QSOX1: variants seen among roughly 807,000 people sequenced by gnomAD.
The protein encoded by QSOX1 is quiescin sulfhydryl oxidase 1.
QSOX1 carries 40 observed loss-of-function variants against 76.1 expected under a neutral mutation model. The ratio of observed to expected loss-of-function variants is 0.53; its 90% CI spans 0.41 to 0.68. The LOEUF (loss-of-function observed/expected upper bound fraction) is 0.68, where lower values mean the gene tolerates loss of function less well. Ranked by LOEUF, QSOX1 falls within the 30% of genes least tolerant of loss-of-function variation. QSOX1 has a pLI of 0.00. For missense variants in QSOX1, 931 were observed against 974.3 expected (o/e 0.96, Z 0.59); for synonymous variants, 392 against 413.1 (o/e 0.95, Z 0.62).
chr1:180,185,070 G>T (rs1410822942), intron 7 of QSOX1, among the ~76,000 whole-genome samples: 1 of 152,154 alleles, frequency 6.6e-6, no homozygotes, highest in African/African-American at 2.4e-5. Flanking sequence ...CACTTCTGGA[G>T]GCAGGGCACA....
chr1:180,174,227 G>C (rs1209893812), intron 2 of QSOX1, among the ~76,000 whole-genome samples: 2 of 152,264 alleles, frequency 1.3e-5, no homozygotes, highest in African/African-American at 2.4e-5. Context: ...TGAATCGGAA[G>C]AGCGCAGGCA....
chr1:180,156,889 A>G (rs772500662), intron 1 of QSOX1, among the ~76,000 whole-genome samples: 1 of 152,204 alleles, frequency 6.6e-6, no homozygotes, highest in African/African-American at 2.4e-5. Context: ...CTTTGAGGTT[A>G]TAAGAGGTGT....
chr1:180,158,669 C>T (rs554542777), intron 1 of QSOX1, among the ~76,000 whole-genome samples: 1 of 152,212 alleles, frequency 6.6e-6, no homozygotes, highest in East Asian at 1.9e-4. Flanking sequence ...GTCAGGAGAG[C>T]TCCTGAATTC....
In QSOX1 at chr1:180,194,344, G is replaced by A. The variant is rs1663404833; in HGVS notation, c.1420G>A (p.Val474Ile). 6.2e-7 allele frequency: 1 copy of A among 1,601,272 alleles called. No homozygotes were observed. Among genetic ancestry groups the A allele is most frequent in the African/African-American group, 1.3e-5 (1 of 74,744 alleles). The part of the protein sequence containing the change: ...MHRVGSPNAA[V>I]LWLWSSHNRV... ...CCGGGTGGGGAGTCCCAACGCCGCTGTCCTCTGGCTCTGGTCTAGCCACAA... is the reference window on the plus strand; with the variant it reads ...CCGGGTGGGGAGTCCCAACGCCGCTATCCTCTGGCTCTGGTCTAGCCACAA... Residue 474 changes from valine (V) to isoleucine (I), a missense_variant, in exon 11 of 12, where the codon GTC (valine) becomes ATC (isoleucine). Val to Ile is a conservative substitution (Grantham distance 29). Coordinates refer to ENST00000367602, the MANE Select transcript of QSOX1 (RefSeq NM_002826.5).
At chr1:180,190,182 C>T (rs1663273337) in intron 9 of QSOX1, among the ~76,000 whole-genome samples, 1 of 152,230 alleles carries the variant, frequency 6.6e-6, no homozygotes, top group African/African-American at 2.4e-5. Context: ...TCGAAGGGAC[C>T]TCAGAGATAA....
chr1:180,183,960 T>A lies in QSOX1; in HGVS notation c.797T>A (p.Leu266His), dbSNP rs1423975061. 1 of 1,613,658 alleles carries A rather than the reference T, an allele frequency of 6.2e-7. No homozygotes were observed. Among genetic ancestry groups the A allele is most frequent in the South Asian group, 1.1e-5 (1 of 91,074 alleles). ...TTCTATACCGCTTACCTGCAGAGAC[T>A]CTCTGGGCTCACCAGGGAGGCTGCC... ...RSFYTAYLQRLSGLTREAAQT... is the reference protein window; with the variant it reads ...RSFYTAYLQRHSGLTREAAQT... The change falls in exon 7 of 12, where the codon CTC (leucine) becomes CAC (histidine). Residue 266 changes from leucine to histidine, a missense_variant. By Grantham distance (99) the Leu-to-His change is moderately conservative (BLOSUM62 -3). Coordinates refer to ENST00000367602, the MANE Select transcript of QSOX1 (RefSeq NM_002826.5).
In QSOX1 at chr1:180,196,702, C is replaced by T; in HGVS notation, c.1909C>T (p.Leu637Phe). 6.2e-7 allele frequency: 1 copy of T among 1,614,090 alleles called. No individual in the cohort carries two copies. Among genetic ancestry groups the T allele is most frequent in the Non-Finnish European group, 8.5e-7 (1 of 1,180,034 alleles). ...TCAGAGGAATGAGCAGGAGCAGCCG[C>T]TTGGGCAGTGGCACTTGAGCAAGCG... ...ELQRNEQEQP[L>F]GQWHLSKRDT... Residue 637 changes from leucine to phenylalanine, a missense_variant, in exon 12 of 12, where the codon CTT (leucine) becomes TTT (phenylalanine). Transcript: ENST00000367602. The surrounding 1 kb of genome is among the most constrained non-coding windows in gnomAD (Gnocchi z 4.1).
chr1:180,189,533 C>A lies in QSOX1; in HGVS notation c.1018-19C>A, dbSNP rs3894210. On this transcript the variant is annotated intron_variant, in intron 8 of 11. Coordinates refer to ENST00000367602, the MANE Select transcript of QSOX1 (RefSeq NM_002826.5). ...GAATTGCTTTTCACTCTCCAGCTTC[C>A]GCTTGTTCCTCCCCACAGTATTTCC... The A allele has an allele frequency of 1.3e-6, 2 of 1,567,026 alleles. No individual in the cohort carries two copies. The highest frequency in any genetic ancestry group is 4.8e-5 in the East Asian group (2 of 42,046).
At chr1:180,159,505 G>A (rs759494280) in intron 1 of QSOX1, among the ~76,000 whole-genome samples, 8 of 152,154 alleles carry the variant, frequency 5.3e-5, no homozygotes, top group African/African-American at 7.2e-5. Flanking sequence ...TTCTGGAATC[G>A]GACAACACCA....
intron 1 of QSOX1, among the ~76,000 whole-genome samples, chr1:180,162,135 A>G (rs1230316694): frequency 6.6e-6 from 1 of 152,236 alleles, no homozygotes; most frequent in Non-Finnish European, 1.5e-5. Context: ...AACCAAAATT[A>G]AGGCTGATAA....
Position 180,190,510 on chromosome 1 carries a change from C to G in QSOX1, c.1218C>G (p.Ser406=). Residue 406 remains serine (S), a synonymous_variant, in exon 10 of 12, where the codon TCC becomes TCG. Coordinates refer to ENST00000367602, the MANE Select transcript of QSOX1 (RefSeq NM_002826.5). ...CGCATTTCCGGGGCTTTCCCTGCTC[C>G]CTGTGGGTCCTCTTCCACTTCTTGA... ...SEPHFRGFPC[S]LWVLFHFLTV... The G allele has an allele frequency of 3.1e-6, 5 of 1,614,198 alleles. No individual in the cohort carries two copies. The highest frequency in any genetic ancestry group is 4.2e-6 in the Non-Finnish European group (5 of 1,180,024).
intron 5 of QSOX1, 58 bp from the exon 6 acceptor site, chr1:180,182,116 C>T: frequency 6.3e-7 from 1 of 1,596,806 alleles, no homozygotes; most frequent in Non-Finnish European, 8.6e-7. Flanking sequence ...AGCTGGGACC[C>T]AGCCCTGGCT....
At chr1:180,166,640 C>A in intron 2 of QSOX1, 49 bp downstream of exon 2, 1 of 1,558,860 alleles carries the variant, frequency 6.4e-7, no homozygotes, top group South Asian at 1.1e-5. Context: ...CTTTGTTTCC[C>A]TTTATAAGGG....
Position 180,197,418 on chromosome 1 carries a change from A to G in QSOX1, c.*381A>G. ...CCTCAACTGGGGCAAGTGAAGCCAG[A>G]GGAGGGTCCCCCAGCTGGGTGGGCT... On this transcript the variant is annotated 3_prime_UTR_variant, in exon 12 of 12. Transcript: ENST00000367602. The G allele has an allele frequency of 3.1e-6, 5 of 1,603,946 alleles. No homozygotes were observed. Among genetic ancestry groups the G allele is most frequent in the Non-Finnish European group, 4.3e-6 (5 of 1,172,154 alleles).
intron 9 of QSOX1, 35 bp downstream of exon 9, chr1:180,189,709 C>T (rs1438012845): frequency 1.9e-6 from 3 of 1,602,586 alleles, no homozygotes; most frequent in South Asian, 2.2e-5. Flanking sequence ...TCTCTCCATC[C>T]TCCGTATTTA....
At position 180,194,389 on chromosome 1, in the gene QSOX1, G is replaced by A. The variant is rs1663406762; in HGVS notation, c.1465G>A (p.Ala489Thr). 1 of 1,545,378 alleles carries A rather than the reference G, an allele frequency of 6.5e-7. No individual in the cohort carries two copies. The highest frequency in any genetic ancestry group is 8.8e-7 in the Non-Finnish European group (1 of 1,138,004). The part of the protein sequence containing the change: ...SSHNRVNARL[A>T]GAPSEDPQFP... ...CCACAACAGGGTCAATGCTCGCCTT[G>A]CAGGTAAGGAAGGACCATCCCCAAG... Residue 489 changes from alanine (A) to threonine (T), a missense_variant, in exon 11 of 12, where the codon GCA becomes ACA. Transcript: ENST00000367602.
At position 180,175,923 on chromosome 1, in the gene QSOX1, A is replaced by G. The variant is rs762791561; in HGVS notation, c.413-8A>G. 13 of 1,583,186 alleles carry G rather than the reference A, an allele frequency of 8.2e-6. No individual in the cohort carries two copies. The highest frequency in any genetic ancestry group is 1.3e-5 in the African/African-American group (1 of 74,650). ...TGACACTCCGCTCACGCCTGTTTTC[A>G]TTTACAGTGGCTGGTGCTGACGTGC... On this transcript the variant is annotated splice_region_variant and splice_polypyrimidine_tract_variant and intron_variant, in intron 3 of 11. Coordinates refer to ENST00000367602, the MANE Select transcript of QSOX1 (RefSeq NM_002826.5).
intron 2 of QSOX1, among the ~76,000 whole-genome samples, chr1:180,166,808 A>T (rs1045162605): frequency 5.9e-5 from 9 of 152,136 alleles, no homozygotes; most frequent in Non-Finnish European, 1.3e-4. Flanking sequence ...GGTCTGATCT[A>T]ACTCTATAAA....
rs148326352 is a variant in QSOX1, at chr1:180,156,470, A to G, written c.265+1298A>G. 7.0e-4 allele frequency among the ~76,000 whole-genome samples: 107 copies of G among 151,984 alleles called. 1 individual carries two copies. The Middle Eastern group carries it at 0.01, about 15-fold the overall frequency. ...CTGTTGGTATTTCTTGATAAATTCAACTCTTTGTGGTAGAACAGTGCCTTT... is the reference window on the plus strand; with the variant it reads ...CTGTTGGTATTTCTTGATAAATTCAGCTCTTTGTGGTAGAACAGTGCCTTT... On this transcript the variant is annotated intron_variant, in intron 1 of 11. Transcript: ENST00000367602.
Sources: allele counts gnomAD v4.1 joint callset (sites outside exome capture counted in the v4.1 genomes callset), GRCh38; gene constraint gnomAD v4.1.1; non-coding constraint Gnocchi (gnomAD v3.1); transcripts MANE v1.5; gene names NCBI Gene and HGNC (gene_info 2026-07-23, HGNC 2026-07-21).